Variants in NTM observed in about 807,000 individuals in gnomAD.
The protein encoded by NTM is IgLON family member 2.
In NTM, 13 loss-of-function variants were observed where a neutral mutation model predicts 42.1. That is an observed-to-expected ratio of 0.31 (90% CI 0.20 to 0.49). The LOEUF (loss-of-function observed/expected upper bound fraction) is 0.49, where lower values mean the gene tolerates loss of function less well. Among genes scored for constraint, NTM ranks in the 20% least tolerant of loss-of-function variants. The pLI is 0.99. For missense variants in NTM, 373 were observed against 452.8 expected, an observed-to-expected ratio of 0.82 and a Z score of 1.60; for synonymous variants, 187 against 179.2, an observed-to-expected ratio of 1.04 and a Z score of -0.35.
At chr11:131,842,571 T>C (rs1038044722) in intron 1 of NTM, among the ~76,000 whole-genome samples, 2 of 152,194 alleles carry the variant, frequency 1.3e-5, no homozygotes, top group African/African-American at 4.8e-5. Context: ...CTACTAAGCA[T>C]GTTCAACGCA....
At chr11:131,769,316 T>C (rs545132699) in intron 1 of NTM, among the ~76,000 whole-genome samples, 49 of 152,230 alleles carry the variant, frequency 3.2e-4, no homozygotes, top group African/African-American at 1.1e-3. Context: ...GGCTAAAATA[T>C]CTCCTACTGA....
intron 2 of NTM, among the ~76,000 whole-genome samples, chr11:132,018,323 A>G (rs956436782): frequency 1.3e-5 from 2 of 151,966 alleles, no homozygotes; most frequent in African/African-American, 4.8e-5. Context: ...GGGGGAAAAC[A>G]TTTAGTCTTT....
chr11:131,572,501 A>C (rs75715932), intron 1 of NTM, among the ~76,000 whole-genome samples: 1,950 of 152,104 alleles, frequency 0.013, 46 homozygotes, highest in African/African-American at 0.045. Flanking sequence ...GTCTTCCTTT[A>C]CCTGGCTATG....
intron 1 of NTM, among the ~76,000 whole-genome samples, chr11:131,592,661 C>CACACACACACACACACACAA (rs1565677219): frequency 6.0e-5 from 9 of 149,486 alleles, no homozygotes; most frequent in African/African-American, 2.3e-4. Context: ...CACACACACA[C>CACACACACACACACACACAA]ACACACACAC....
chr11:131,975,470 G>A lies in NTM; in HGVS notation c.167+63822G>A, dbSNP rs758629409. On this transcript the variant is annotated intron_variant, in intron 2 of 8. Coordinates refer to ENST00000683400, the MANE Select transcript of NTM (RefSeq NM_001352005.2). The stretch of plus-strand genomic sequence containing the variant: ...TGGGATTACAGGCGTGAGCCACTGC[G>A]CCTGGCCGAATCTTGCCTTCAATGG... 3.3e-5 allele frequency among the ~76,000 whole-genome samples: 5 copies of A among 152,066 alleles called. No individual in the cohort carries two copies. In the South Asian group the frequency reaches 6.2e-4, roughly 19 times the overall value.
intron 1 of NTM, among the ~76,000 whole-genome samples, chr11:131,680,308 C>A (rs2072223643): frequency 6.6e-6 from 1 of 150,828 alleles, no homozygotes. Context: ...ATAACATGAA[C>A]TTTTCTGTGG....
chr11:131,622,482 C>T (rs1189972737), intron 1 of NTM, among the ~76,000 whole-genome samples: 4 of 152,094 alleles, frequency 2.6e-5, no homozygotes, highest in Non-Finnish European at 4.4e-5. Context: ...TAATTTATTT[C>T]TTACTTGAAA....
intron 2 of NTM, among the ~76,000 whole-genome samples, chr11:132,093,962 G>A (rs183026084): frequency 3.4e-4 from 52 of 152,286 alleles, no homozygotes; most frequent in Non-Finnish European, 4.4e-5. Flanking sequence ...AGACTCCAGC[G>A]CAGCTACGTG....
At chr11:131,694,571 C>G (rs2135078423) in intron 1 of NTM, among the ~76,000 whole-genome samples, 1 of 152,156 alleles carries the variant, frequency 6.6e-6, no homozygotes, top group Non-Finnish European at 1.5e-5. Flanking sequence ...GCCACCTGCT[C>G]GGTGGCGGGA....
intron 2 of NTM, among the ~76,000 whole-genome samples, chr11:132,128,170 A>G (rs919957242): frequency 6.6e-6 from 1 of 152,016 alleles, no homozygotes; most frequent in Admixed American, 6.5e-5. Flanking sequence ...GTGGTATAGG[A>G]TGGTTTGCTT....
chr11:131,770,589 A>G (rs2085906113), intron 1 of NTM, among the ~76,000 whole-genome samples: 1 of 152,178 alleles, frequency 6.6e-6, no homozygotes, highest in African/African-American at 2.4e-5. Flanking sequence ...TTTTTTTAAT[A>G]AGAAATGTCT....
At chr11:131,384,914 C>A (rs1591521540) in intron 1 of NTM, among the ~76,000 whole-genome samples, 1 of 152,340 alleles carries the variant, frequency 6.6e-6, no homozygotes, top group East Asian at 1.9e-4. Flanking sequence ...AGGTGTTCCC[C>A]AAACTCAGGC....
At chr11:131,725,965 G>A (rs959576666) in intron 1 of NTM, among the ~76,000 whole-genome samples, 2 of 152,172 alleles carry the variant, frequency 1.3e-5, no homozygotes, top group African/African-American at 4.8e-5. Context: ...CTCTGGGGAT[G>A]ATTCTGCTAC....
intron 1 of NTM, among the ~76,000 whole-genome samples, chr11:131,512,727 G>A (rs558418264): frequency 2.6e-5 from 4 of 152,170 alleles, no homozygotes; most frequent in East Asian, 1.9e-4. Flanking sequence ...GCTGGGCCAC[G>A]GGATGCCTGG....
At chr11:132,203,799 T>A (rs2081519976) in intron 3 of NTM, among the ~76,000 whole-genome samples, 1 of 152,094 alleles carries the variant, frequency 6.6e-6, no homozygotes, top group Admixed American at 6.5e-5. Context: ...CTCGGGAGGC[T>A]GAGGCAGGAG....
intron 1 of NTM, chr11:131,910,969 T>A (rs2054789367): frequency 2.0e-6 from 2 of 996,664 alleles, no homozygotes; most frequent in Admixed American, 5.4e-5. Flanking sequence ...TGCTATTGTT[T>A]CCGATTGTTT....
chr11:131,499,226 T>C (rs2046425303), intron 1 of NTM, among the ~76,000 whole-genome samples: 2 of 152,118 alleles, frequency 1.3e-5, no homozygotes, highest in South Asian at 2.1e-4. Context: ...AAAGAAAGCA[T>C]TCTTGAGATC....
intron 1 of NTM, among the ~76,000 whole-genome samples, chr11:131,890,090 C>CT (rs904907145): frequency 1.3e-4 from 20 of 152,134 alleles, no homozygotes; most frequent in Middle Eastern, 3.4e-3. Context: ...CACCTGGCTA[C>CT]TTTAAGATAG....
At position 132,165,921 on chromosome 11, in the gene NTM, G is replaced by A. The variant is rs372354773; in HGVS notation, c.400+19407G>A. Among the ~76,000 whole-genome samples, 117 of 152,094 alleles carry A rather than the reference G, an allele frequency of 7.7e-4. 1 individual carries two copies. In the East Asian group the frequency reaches 8.5e-3, roughly 11 times the overall value. The stretch of plus-strand genomic sequence containing the variant: ...ATTTGATACTACTGTACAGTGCCTT[G>A]AGCACCTCAGAGGAAGTGAGAGTTT... On this transcript the variant is annotated intron_variant, in intron 3 of 8. Transcript: ENST00000683400.
Sources: gnomAD v4.1 joint callset for allele counts (sites outside exome capture counted in the v4.1 genomes callset) on GRCh38, gnomAD v4.1.1 for gene constraint, MANE v1.5 for transcripts, NCBI Gene and HGNC (gene_info 2026-07-23, HGNC 2026-07-21) for gene names.